Variants in DNAH5 observed in about 807,000 individuals in gnomAD.
DNAH5 encodes dynein axonemal heavy chain 5.
DNAH5 carries 372 observed loss-of-function variants against 518.2 expected under a neutral mutation model. The observed-to-expected ratio is 0.72, with a 90% confidence interval of 0.66 to 0.78. The LOEUF (loss-of-function observed/expected upper bound fraction) is 0.78. DNAH5 is among the 30% of genes least tolerant of loss of function. The probability of loss-of-function intolerance (pLI) is 0.00; values close to 1 mark genes in which losing one functional copy is unlikely to be tolerated. For synonymous variants in DNAH5, 2,039 were observed against 2,025.9 expected (o/e 1.01, Z -0.17); for missense variants, 5,523 against 5,687.0 (o/e 0.97, Z 0.93).
upstream of DNAH5, among the ~76,000 whole-genome samples, chr5:13,949,667 C>T (rs939128967): frequency 6.6e-6 from 1 of 152,146 alleles, no homozygotes; most frequent in Non-Finnish European, 1.5e-5. Context: ...AGGAAGAGAG[C>T]GGCTTGGGGC....
chr5:13,839,237 C>A, intron 35 of DNAH5, 119 bp downstream of exon 35: 1 of 892,542 alleles, frequency 1.1e-6, no homozygotes, highest in Non-Finnish European at 1.8e-6. Flanking sequence ...GCTAAAAATA[C>A]TAAATTTCAA....
At chr5:13,812,255 C>G (rs1561326615) in intron 43 of DNAH5, among the ~76,000 whole-genome samples, 1 of 152,110 alleles carries the variant, frequency 6.6e-6, no homozygotes, top group Non-Finnish European at 1.5e-5. Flanking sequence ...GGAAATAACT[C>G]AGGGGGGAAA....
intron 68 of DNAH5, among the ~76,000 whole-genome samples, chr5:13,730,772 C>T (rs1746422633): frequency 6.7e-6 from 1 of 148,664 alleles, no homozygotes; most frequent in East Asian, 2.0e-4. Flanking sequence ...GGCGTGATCT[C>T]GGCTCACAAC....
At chr5:13,923,219 T>C (rs1777493429) in intron 4 of DNAH5, 61 bp downstream of exon 4, 1 of 1,591,644 alleles carries the variant, frequency 6.3e-7, no homozygotes, top group South Asian at 1.1e-5. Context: ...CAGAGGAATA[T>C]TTGTGTGCAA....
At chr5:13,835,358 G>A (rs1238787902) in intron 35 of DNAH5, among the ~76,000 whole-genome samples, 7 of 152,044 alleles carry the variant, frequency 4.6e-5, no homozygotes, top group Non-Finnish European at 1.0e-4. Flanking sequence ...GGTAAGGTTT[G>A]TTTCTTTTAA....
At chr5:13,827,852 G>A (rs1263430139) in intron 38 of DNAH5, among the ~76,000 whole-genome samples, 1 of 152,096 alleles carries the variant, frequency 6.6e-6, no homozygotes, top group Non-Finnish European at 1.5e-5. Flanking sequence ...GTTCTCATGA[G>A]ATCTGACGGT....
intron 21 of DNAH5, among the ~76,000 whole-genome samples, chr5:13,878,372 A>C (rs756859841): frequency 2.0e-4 from 30 of 152,322 alleles, no homozygotes; most frequent in Non-Finnish European, 8.8e-5. Flanking sequence ...AATGCAGAAA[A>C]GGATCAAGAA....
chr5:13,882,940 C>T lies in DNAH5; in HGVS notation c.3138G>A (p.Lys1046=). The T allele has an allele frequency of 6.2e-7, 1 of 1,614,136 alleles. No individual in the cohort carries two copies. Among genetic ancestry groups the T allele is most frequent in the Non-Finnish European group, 8.5e-7 (1 of 1,180,004 alleles). Residue 1046 remains lysine (K), a synonymous_variant, in exon 20 of 79, where the codon AAG becomes AAA. Coordinates refer to ENST00000265104, the MANE Select transcript of DNAH5 (RefSeq NM_001369.3). ...GTTCACTGCTCCACTGTCTGACCCC[C>T]TTAGGGACACTGATGATGCACTCCA... is the stretch of plus-strand genomic sequence containing the variant. ...KAVECIISVP[K]GVRQWSSELL...
At chr5:13,757,243 A>G (rs993122926) in intron 61 of DNAH5, among the ~76,000 whole-genome samples, 1 of 152,214 alleles carries the variant, frequency 6.6e-6, no homozygotes, top group Non-Finnish European at 1.5e-5. Context: ...TGCTGGGTCA[A>G]TGGTATTTCT....
chr5:13,895,447 C>T (rs1240743048), intron 15 of DNAH5, among the ~76,000 whole-genome samples: 1 of 152,190 alleles, frequency 6.6e-6, no homozygotes, highest in African/African-American at 2.4e-5. Flanking sequence ...ATGGCACCTT[C>T]ACCTGCTCAT....
At chr5:13,922,356 T>G in intron 4 of DNAH5, 28 bp from the exon 5 acceptor site, 1 of 1,590,276 alleles carries the variant, frequency 6.3e-7, no homozygotes, top group Non-Finnish European at 8.6e-7. Context: ...GATCTTTTAT[T>G]GTAAAAATCA....
At chr5:13,746,021 C>T (rs1034303194) in intron 65 of DNAH5, among the ~76,000 whole-genome samples, 9 of 152,000 alleles carry the variant, frequency 5.9e-5, no homozygotes, top group Non-Finnish European at 1.2e-4. Flanking sequence ...AACATAATTA[C>T]TTCTTTGACT....
intron 22 of DNAH5, among the ~76,000 whole-genome samples, chr5:13,873,396 T>C (rs1246144161): frequency 1.3e-5 from 2 of 152,166 alleles, no homozygotes; most frequent in African/African-American, 2.4e-5. Context: ...ACAAATTGCC[T>C]AGATTTTGTG....
At chr5:13,751,022 C>T in intron 65 of DNAH5, 56 bp downstream of exon 65, 1 of 1,569,036 alleles carries the variant, frequency 6.4e-7, no homozygotes. Flanking sequence ...TTATTTTTGT[C>T]AATGAAATAT....
At chr5:13,830,347 G>C in intron 36 of DNAH5, 134 bp from the exon 37 acceptor site, 1 of 935,904 alleles carries the variant, frequency 1.1e-6, no homozygotes, top group Non-Finnish European at 1.7e-6. Context: ...ATAGATCTAT[G>C]CATCAAGTGA....
chr5:13,996,007 T>A (rs542188102), intron 1 of DNAH5, among the ~76,000 whole-genome samples: 49 of 152,244 alleles, frequency 3.2e-4, no homozygotes, highest in Admixed American at 7.2e-4. Context: ...GGAAGAAAGG[T>A]ATGGTGTGTT....
At position 13,807,474 on chromosome 5, in the gene DNAH5, A is replaced by G; in HGVS notation, c.7887+117T>C. On this transcript the variant is annotated intron_variant, in intron 47 of 78. Transcript: ENST00000265104. ...AAAGAATGGAAGACGTACGTGGGTGATTTATCATGGCTATGAAAATTCAGA... is the reference window on the plus strand; with the variant it reads ...AAAGAATGGAAGACGTACGTGGGTGGTTTATCATGGCTATGAAAATTCAGA... The G allele has an allele frequency of 6.1e-6, 6 of 989,090 alleles. No homozygotes were observed. The South Asian group carries it at 8.5e-5, about 14-fold the overall frequency. The allele number at this position is 989,090 out of a possible 1,614,324, so 61.3% of individuals were successfully genotyped here. A position where few individuals can be genotyped will look rare whatever the true frequency, so the allele number is the denominator to read the frequency against.
At chr5:13,963,827 G>A (rs1781350383) in intron 1 of DNAH5, among the ~76,000 whole-genome samples, 1 of 151,986 alleles carries the variant, frequency 6.6e-6, no homozygotes, top group South Asian at 2.1e-4. Flanking sequence ...TACATGGGAC[G>A]ACAGGCATGT....
At chr5:13,923,731 AC>A (rs1392245809) in intron 3 of DNAH5, among the ~76,000 whole-genome samples, 1 of 152,088 alleles carries the variant, frequency 6.6e-6, no homozygotes, top group Non-Finnish European at 1.5e-5. Context: ...TCTGCTAGGT[AC>A]CCTGTGTACA....
Sources: gnomAD v4.1 joint callset for allele counts (sites outside exome capture counted in the v4.1 genomes callset) on GRCh38, gnomAD v4.1.1 for gene constraint, MANE v1.5 for transcripts, NCBI Gene and HGNC (gene_info 2026-07-23, HGNC 2026-07-21) for gene names.